VWC2: variants seen among roughly 807,000 people sequenced by gnomAD.
VWC2 encodes brorin.
In VWC2, 14 loss-of-function variants were observed where a neutral mutation model predicts 29.8. That is an observed-to-expected ratio of 0.47 (90% CI 0.31 to 0.74). The LOEUF (loss-of-function observed/expected upper bound fraction) is 0.74, where lower values mean the gene tolerates loss of function less well. Ranked by LOEUF, VWC2 falls within the 30% of genes least tolerant of loss-of-function variation. The pLI is 0.05. For synonymous variants in VWC2, 213 were observed against 199.0 expected, an observed-to-expected ratio of 1.07 and a Z score of -0.59; for missense variants, 457 against 459.8, an observed-to-expected ratio of 0.99 and a Z score of 0.05.
intron 3 of VWC2, among the ~76,000 whole-genome samples, chr7:49,905,754 G>A (rs1793052024): frequency 6.6e-6 from 1 of 151,256 alleles, no homozygotes; most frequent in South Asian, 2.1e-4. Flanking sequence ...TAAGTCACGA[G>A]ATAGGATGTT....
intron 2 of VWC2, among the ~76,000 whole-genome samples, chr7:49,779,747 C>T (rs1353014345): frequency 1.3e-5 from 2 of 152,154 alleles, no homozygotes; most frequent in African/African-American, 2.4e-5. Flanking sequence ...TTCAGACTTC[C>T]ACATTTCCAA....
At chr7:49,859,090 C>T (rs958565520) in intron 3 of VWC2, among the ~76,000 whole-genome samples, 2 of 152,184 alleles carry the variant, frequency 1.3e-5, no homozygotes, top group African/African-American at 4.8e-5. Flanking sequence ...TGGGCACATA[C>T]TTATTTAGGA....
chr7:49,825,061 T>G (rs1789362963), intron 3 of VWC2, among the ~76,000 whole-genome samples: 1 of 152,202 alleles, frequency 6.6e-6, no homozygotes, highest in Non-Finnish European at 1.5e-5. Flanking sequence ...CTTTCTGTTC[T>G]TTACATTGGA....
chr7:49,799,599 T>C (rs1788687553), intron 2 of VWC2, among the ~76,000 whole-genome samples: 2 of 152,244 alleles, frequency 1.3e-5, no homozygotes, highest in African/African-American at 2.4e-5. Context: ...TGAGGCCTGA[T>C]TGGCGATCCT....
At chr7:49,789,060 G>A (rs1788384945) in intron 2 of VWC2, among the ~76,000 whole-genome samples, 1 of 150,242 alleles carries the variant, frequency 6.7e-6, no homozygotes, top group South Asian at 2.1e-4. Flanking sequence ...GGGTGTATGT[G>A]TGGGTGCGTG....
rs780009179 is a variant in VWC2 at position 49,775,990 on chromosome 7, G to T, written c.555G>T (p.Pro185=). Residue 185 remains proline, a synonymous_variant, in exon 2 of 4, where the codon CCG becomes CCT. Transcript: ENST00000340652. ...CGTGCCTGTGCACCGAGGAGGGGCC[G>T]CTGTGCGCGCAGCCCGAGTGCCCGA... is the stretch of plus-strand genomic sequence containing the variant. ...ACPCLCTEEG[P]LCAQPECPRL... 1 of 1,545,308 alleles carries T rather than the reference G, an allele frequency of 6.5e-7. No individual in the cohort carries two copies.
At position 49,859,857 on chromosome 7, in the gene VWC2, T is replaced by C. The variant is rs116291277; in HGVS notation, c.827-52177T>C. On this transcript the variant is annotated intron_variant, in intron 3 of 3. Transcript: ENST00000340652. The stretch of plus-strand genomic sequence containing the variant: ...TGCTGAGGTTTTAATCACAATTGCA[T>C]TGATGTTTAGATCAACACAGGGAAA... Among the ~76,000 whole-genome samples the C allele has an allele frequency of 7.4e-3, 1,130 of 152,210 alleles. 10 individuals carry two copies. The highest frequency in any genetic ancestry group is 0.026 in the African/African-American group (1,063 of 41,528).
chr7:49,787,650 T>C (rs1788330347), intron 2 of VWC2, among the ~76,000 whole-genome samples: 1 of 152,196 alleles, frequency 6.6e-6, no homozygotes, highest in African/African-American at 2.4e-5. Flanking sequence ...CTCGCTGTGC[T>C]TTTGCTGCGT....
intron 3 of VWC2, among the ~76,000 whole-genome samples, chr7:49,855,932 T>A (rs1790399901): frequency 6.6e-6 from 1 of 152,160 alleles, no homozygotes; most frequent in Admixed American, 6.5e-5. Flanking sequence ...TTCTTTCAGA[T>A]CCACTGAGAG....
chr7:49,775,286 G>C (rs1432768730), intron 1 of VWC2, 47 bp from the exon 2 acceptor site: 1 of 410,150 alleles, frequency 2.4e-6, no homozygotes, highest in Non-Finnish European at 3.9e-6. Context: ...GCGGGCCGGG[G>C]CGCGCGCGGG....
At chr7:49,802,561 T>C (rs1788765404) in intron 2 of VWC2, 150 bp from the exon 3 acceptor site, 18 of 1,053,444 alleles carry the variant, frequency 1.7e-5, no homozygotes, top group Non-Finnish European at 2.1e-5. Flanking sequence ...TCGCTTGAAC[T>C]CGGGAAACAG....
intron 2 of VWC2, among the ~76,000 whole-genome samples, chr7:49,777,445 T>A (rs1302872926): frequency 1.3e-5 from 2 of 151,926 alleles, no homozygotes; most frequent in Non-Finnish European, 2.9e-5. Flanking sequence ...TCAGGAAACA[T>A]GGTTATTCAT....
At chr7:49,779,113 C>T (rs558479989) in intron 2 of VWC2, among the ~76,000 whole-genome samples, 38 of 152,248 alleles carry the variant, frequency 2.5e-4, no homozygotes, top group African/African-American at 8.4e-4. Flanking sequence ...GCTTGACCCT[C>T]TTTGAGCAGT....
intron 2 of VWC2, among the ~76,000 whole-genome samples, chr7:49,794,598 T>G (rs1788543184): frequency 6.6e-6 from 1 of 152,202 alleles, no homozygotes; most frequent in Non-Finnish European, 1.5e-5. Context: ...TGTTGGTTAT[T>G]GTAGATCCAA....
intron 3 of VWC2, among the ~76,000 whole-genome samples, chr7:49,875,091 G>T (rs2128724673): frequency 6.6e-6 from 1 of 152,066 alleles, no homozygotes; most frequent in East Asian, 1.9e-4. Context: ...GTAAAAATTG[G>T]CCGGGCACGG....
intron 3 of VWC2, among the ~76,000 whole-genome samples, chr7:49,850,101 A>G (rs116409140): frequency 1.3e-3 from 191 of 152,290 alleles, no homozygotes; most frequent in African/African-American, 4.3e-3. Flanking sequence ...AGAAAAACCA[A>G]GCCTAGCACA....
chr7:49,872,739 C>G (rs1202915159), intron 3 of VWC2, among the ~76,000 whole-genome samples: 1 of 118,028 alleles, frequency 8.5e-6, no homozygotes, highest in East Asian at 2.7e-4. Context: ...AACCCCGTCT[C>G]TACAAAAAAT....
At chr7:49,782,176 G>A (rs1412964783) in intron 2 of VWC2, among the ~76,000 whole-genome samples, 2 of 152,182 alleles carry the variant, frequency 1.3e-5, no homozygotes, top group Non-Finnish European at 2.9e-5. Flanking sequence ...TGTCAGAGCT[G>A]GGCAGGGCTG....
chr7:49,856,912 G>A (rs1004303494), intron 3 of VWC2, among the ~76,000 whole-genome samples: 11 of 149,954 alleles, frequency 7.3e-5, no homozygotes, highest in Admixed American at 6.7e-5. Flanking sequence ...GGGAGGCTGA[G>A]GCAGGAGAAT....
Sources: gnomAD v4.1 joint callset for allele counts (sites outside exome capture counted in the v4.1 genomes callset) on GRCh38, gnomAD v4.1.1 for gene constraint, MANE v1.5 for transcripts, NCBI Gene and HGNC (gene_info 2026-07-23, HGNC 2026-07-21) for gene names.